Variants in ADAM18 observed in about 807,000 individuals in gnomAD.
The protein encoded by ADAM18 is disintegrin and metalloproteinase domain-containing protein 18.
ADAM18 carries 117 observed loss-of-function variants against 94.4 expected under a neutral mutation model. That is an observed-to-expected ratio of 1.24 (90% CI 1.07 to 1.45). The LOEUF (loss-of-function observed/expected upper bound fraction) is 1.45, where lower values mean the gene tolerates loss of function less well. ADAM18 is among the 40% of genes most tolerant of loss of function. The probability of loss-of-function intolerance (pLI) is 0.00; values close to 1 mark genes in which losing one functional copy is unlikely to be tolerated. For missense variants in ADAM18, 936 were observed against 880.0 expected, an observed-to-expected ratio of 1.06 and a Z score of -0.81; for synonymous variants, 327 against 291.6, an observed-to-expected ratio of 1.12 and a Z score of -1.24.
At chr8:39,717,473 A>G (rs1586012208) in intron 18 of ADAM18, among the ~76,000 whole-genome samples, 1 of 151,688 alleles carries the variant, frequency 6.6e-6, no homozygotes, top group East Asian at 1.9e-4. Context: ...TTTTCATTTC[A>G]ACCGGAAGAA....
intron 7 of ADAM18, among the ~76,000 whole-genome samples, chr8:39,634,552 C>T (rs1820026634): frequency 6.6e-6 from 1 of 152,170 alleles, no homozygotes; most frequent in Non-Finnish European, 1.5e-5. Flanking sequence ...GTCATGGAGT[C>T]AAAGAGGATC....
chr8:39,651,009 G>A (rs1430169349), intron 12 of ADAM18, among the ~76,000 whole-genome samples: 1 of 152,256 alleles, frequency 6.6e-6, no homozygotes, highest in Non-Finnish European at 1.5e-5. Context: ...AGAGGGGGAT[G>A]TGGCAGGACA....
rs187140546 is a variant in ADAM18, at chr8:39,702,422, C to T, written c.1903-4368C>T. ...CAGATACATAGTTTGCAAATATTTTCTCCCATTCTGTAGGTTGTCTGTTTA... is the reference window on the plus strand; with the variant it reads ...CAGATACATAGTTTGCAAATATTTTTTCCCATTCTGTAGGTTGTCTGTTTA... On this transcript the variant is annotated intron_variant, in intron 17 of 19. Coordinates refer to ENST00000265707, the MANE Select transcript of ADAM18 (RefSeq NM_014237.3). Among the ~76,000 whole-genome samples the T allele has an allele frequency of 3.7e-3, 562 of 152,086 alleles. 3 individuals are homozygous for T. The highest frequency in any genetic ancestry group is 0.013 in the African/African-American group (539 of 41,478).
At chr8:39,640,353 C>T (rs148521755) in intron 10 of ADAM18, among the ~76,000 whole-genome samples, 9 of 152,200 alleles carry the variant, frequency 5.9e-5, no homozygotes, top group Admixed American at 2.0e-4. Flanking sequence ...CTGCAAAGGA[C>T]ATAATCTCAT....
chr8:39,677,615 A>C (rs1396712874), intron 15 of ADAM18, 79 bp downstream of exon 15: 1 of 974,906 alleles, frequency 1.0e-6, no homozygotes, highest in Non-Finnish European at 1.5e-6. Flanking sequence ...GTAGTAATGA[A>C]CACTAAAATT....
intron 18 of ADAM18, among the ~76,000 whole-genome samples, chr8:39,718,247 C>G (rs1351933387): frequency 1.3e-5 from 2 of 151,468 alleles, no homozygotes; most frequent in Non-Finnish European, 3.0e-5. Flanking sequence ...ATTAGCATCC[C>G]AAAATTAACA....
chr8:39,685,278 G>A (rs1821579758), intron 16 of ADAM18: 4 of 152,242 alleles, frequency 2.6e-5, no homozygotes, highest in Admixed American at 2.0e-4. Context: ...CACCCCCAAG[G>A]TTGATTTGAA....
intron 14 of ADAM18, 116 bp downstream of exon 14, chr8:39,668,312 T>C: frequency 1.1e-6 from 1 of 945,788 alleles, no homozygotes; most frequent in Non-Finnish European, 1.5e-6. Flanking sequence ...TTAATAAAAA[T>C]TAAATTTTAG....
At chr8:39,598,008 C>G (rs1818790068) in intron 2 of ADAM18, among the ~76,000 whole-genome samples, 1 of 152,100 alleles carries the variant, frequency 6.6e-6, no homozygotes, top group South Asian at 2.1e-4. Flanking sequence ...AGATTTGTAT[C>G]TAAATATTTT....
chr8:39,599,438 T>C (rs1818838239), intron 2 of ADAM18, among the ~76,000 whole-genome samples: 1 of 152,162 alleles, frequency 6.6e-6, no homozygotes, highest in Non-Finnish European at 1.5e-5. Flanking sequence ...TAGTATACAT[T>C]ATTTCTTAAA....
chr8:39,640,676 C>T (rs1820212906), intron 10 of ADAM18, among the ~76,000 whole-genome samples: 1 of 152,060 alleles, frequency 6.6e-6, no homozygotes, highest in Non-Finnish European at 1.5e-5. Context: ...TTCTTTATAA[C>T]CTCGCCAGCA....
At chr8:39,673,838 G>C (rs1383449339) in intron 14 of ADAM18, among the ~76,000 whole-genome samples, 2 of 152,096 alleles carry the variant, frequency 1.3e-5, no homozygotes, top group Non-Finnish European at 2.9e-5. Context: ...GTTCTCATTG[G>C]TTTCAAAGAA....
At chr8:39,619,718 A>G (rs1167400870) in intron 6 of ADAM18, among the ~76,000 whole-genome samples, 3 of 152,170 alleles carry the variant, frequency 2.0e-5, no homozygotes. Flanking sequence ...ACTATAAAAC[A>G]TGGATGAAAG....
chr8:39,653,828 C>T lies in ADAM18; in HGVS notation c.1230+5301C>T, dbSNP rs529577381. On this transcript the variant is annotated intron_variant, in intron 12 of 19. Transcript: ENST00000265707. ...GGGTATATTTTCTTTGTGTTGGGAA[C>T]GTTACAATTCTTCTCTTCTAGCTAT... Among the ~76,000 whole-genome samples the T allele has an allele frequency of 7.2e-5, 11 of 152,196 alleles. No homozygotes were observed. The South Asian group carries it at 1.5e-3, about 20-fold the overall frequency.
chr8:39,618,528 A>T (rs1251979389), intron 6 of ADAM18, among the ~76,000 whole-genome samples: 1 of 152,228 alleles, frequency 6.6e-6, no homozygotes, highest in African/African-American at 2.4e-5. Flanking sequence ...ATAACCTGTG[A>T]TTAGCAAGAT....
chr8:39,650,334 T>A (rs560699434), intron 12 of ADAM18, among the ~76,000 whole-genome samples: 54 of 152,266 alleles, frequency 3.5e-4, no homozygotes, highest in Middle Eastern at 3.4e-3. Flanking sequence ...AAATAAAAGG[T>A]ATCAAATTCA....
intron 2 of ADAM18, among the ~76,000 whole-genome samples, chr8:39,591,877 T>A (rs1181941179): frequency 3.9e-5 from 6 of 152,190 alleles, no homozygotes; most frequent in Admixed American, 3.9e-4. Flanking sequence ...AAAGTCAAAA[T>A]AGCTCCTTGA....
chr8:39,652,478 T>C (rs1407415682), intron 12 of ADAM18, among the ~76,000 whole-genome samples: 1 of 152,068 alleles, frequency 6.6e-6, no homozygotes, highest in Non-Finnish European at 1.5e-5. Context: ...TAATTCAAAT[T>C]AAAATCAGAA....
intron 6 of ADAM18, among the ~76,000 whole-genome samples, chr8:39,621,440 C>T (rs1309173023): frequency 2.0e-5 from 3 of 151,400 alleles, no homozygotes; most frequent in Non-Finnish European, 4.4e-5. Flanking sequence ...GTTCCCTGAT[C>T]TTTGGCATTT....
Sources: gnomAD v4.1 joint callset for allele counts (sites outside exome capture counted in the v4.1 genomes callset) on GRCh38, gnomAD v4.1.1 for gene constraint, MANE v1.5 for transcripts, NCBI Gene and HGNC (gene_info 2026-07-23, HGNC 2026-07-21) for gene names.